CSGALNACT1: variants seen among roughly 807,000 people sequenced by gnomAD.
CSGALNACT1 encodes the protein chondroitin sulfate N-acetylgalactosaminyltransferase 1.
CSGALNACT1 carries 52 observed loss-of-function variants against 51.0 expected under a neutral mutation model. That is an observed-to-expected ratio of 1.02 (90% CI 0.82 to 1.29). The LOEUF is 1.29. Among genes scored for constraint, CSGALNACT1 ranks in the 50% most tolerant of loss-of-function variants. The probability of loss-of-function intolerance (pLI) is 0.00; values close to 1 mark genes in which losing one functional copy is unlikely to be tolerated. For missense variants in CSGALNACT1, 935 were observed against 679.2 expected, an observed-to-expected ratio of 1.38 and a Z score of -4.19; for synonymous variants, 341 against 254.4, an observed-to-expected ratio of 1.34 and a Z score of -3.24.
At chr8:19,642,681 G>A (rs983334052) in intron 1 of CSGALNACT1, among the ~76,000 whole-genome samples, 2 of 152,022 alleles carry the variant, frequency 1.3e-5, no homozygotes, top group African/African-American at 2.4e-5. Context: ...AGCTACTCGG[G>A]AGGCTGAGGT....
At chr8:19,559,944 G>A (rs1024632379) in intron 3 of CSGALNACT1, among the ~76,000 whole-genome samples, 2 of 152,166 alleles carry the variant, frequency 1.3e-5, no homozygotes, top group Non-Finnish European at 2.9e-5. Flanking sequence ...CTATAATTAA[G>A]ACTCTCTTGA....
chr8:19,572,044 C>T (rs2043159495), intron 3 of CSGALNACT1, among the ~76,000 whole-genome samples: 1 of 152,154 alleles, frequency 6.6e-6, no homozygotes, highest in African/African-American at 2.4e-5. Context: ...GGATAGAAAA[C>T]ATCAGCCACC....
chr8:19,633,120 G>C (rs2055529117), intron 1 of CSGALNACT1, among the ~76,000 whole-genome samples: 1 of 151,966 alleles, frequency 6.6e-6, no homozygotes, highest in East Asian at 1.9e-4. Context: ...AAGAATAAAT[G>C]ATGTAACTTT....
intron 1 of CSGALNACT1, among the ~76,000 whole-genome samples, chr8:19,648,324 T>C (rs996397087): frequency 6.6e-6 from 1 of 152,220 alleles, no homozygotes; most frequent in Non-Finnish European, 1.5e-5. Flanking sequence ...AGAGGCAAAC[T>C]GTCAAAAACA....
intron 3 of CSGALNACT1, among the ~76,000 whole-genome samples, chr8:19,581,499 C>T (rs951044456): frequency 3.3e-5 from 5 of 152,082 alleles, no homozygotes; most frequent in Non-Finnish European, 5.9e-5. Context: ...ACCTGTCACT[C>T]GGGAGGCTTA....
At chr8:19,511,383 T>C (rs1412057765) in intron 3 of CSGALNACT1, among the ~76,000 whole-genome samples, 1 of 152,184 alleles carries the variant, frequency 6.6e-6, no homozygotes, top group African/African-American at 2.4e-5. Flanking sequence ...GGGCACAAAC[T>C]AACCTTCAAT....
chr8:19,432,908 A>G (rs907398613), intron 6 of CSGALNACT1, among the ~76,000 whole-genome samples: 3 of 152,032 alleles, frequency 2.0e-5, no homozygotes, highest in African/African-American at 4.8e-5. Flanking sequence ...ATTTTTGTCT[A>G]TTAAGTCAAA....
At chr8:19,549,220 T>A (rs2087278418) in intron 3 of CSGALNACT1, among the ~76,000 whole-genome samples, 1 of 152,092 alleles carries the variant, frequency 6.6e-6, no homozygotes, top group African/African-American at 2.4e-5. Context: ...TCCTCTCCCC[T>A]CGAAAATCCA....
At chr8:19,707,688 CA>C (rs1226569595) in intron 1 of CSGALNACT1, among the ~76,000 whole-genome samples, 2 of 124,764 alleles carry the variant, frequency 1.6e-5, no homozygotes, top group African/African-American at 2.8e-5. Context: ...TTTTAATCCA[CA>C]AAAAAACCCC....
rs185093789 is a variant in CSGALNACT1, at chr8:19,735,472, C to T, written c.-297+22378G>A. Among the ~76,000 whole-genome samples, 310 of 152,036 alleles carry T rather than the reference C, an allele frequency of 2.0e-3. 1 individual carries two copies. In the Middle Eastern group the frequency reaches 0.027, roughly 13 times the overall value. On this transcript the variant is annotated intron_variant, in intron 1 of 1. Transcript: ENST00000517494. ...ATGACCATAAGCTCAAATCAAAATA[C>T]CACAAAATTCTCAGGAGGGAAAGCT...
chr8:19,423,959 G>GCA (rs926504749), intron 6 of CSGALNACT1, among the ~76,000 whole-genome samples: 67 of 152,160 alleles, frequency 4.4e-4, no homozygotes, highest in African/African-American at 1.6e-3. Context: ...GGGGGCCGGC[G>GCA]CACACACACA....
chr8:19,485,539 G>C (rs1262364170), intron 4 of CSGALNACT1, among the ~76,000 whole-genome samples: 3 of 151,996 alleles, frequency 2.0e-5, no homozygotes, highest in Admixed American at 6.6e-5. Flanking sequence ...CAGCTATTAG[G>C]CTTTCTTCCC....
At chr8:19,513,415 A>ACACT in intron 3 of CSGALNACT1, among the ~76,000 whole-genome samples, 1 of 111,524 alleles carries the variant, frequency 9.0e-6, no homozygotes, top group South Asian at 3.1e-4. Context: ...TCTCTCTCTC[A>ACACT]CTCTCTCTCT....
chr8:19,727,507 A>G (rs2063468388), intron 1 of CSGALNACT1, among the ~76,000 whole-genome samples: 1 of 128,092 alleles, frequency 7.8e-6, no homozygotes, highest in African/African-American at 2.9e-5. Flanking sequence ...GTGTCATCAC[A>G]GCTGGCTAAA....
chr8:19,525,824 A>C (rs1218573422), intron 3 of CSGALNACT1, among the ~76,000 whole-genome samples: 1 of 152,046 alleles, frequency 6.6e-6, no homozygotes, highest in Non-Finnish European at 1.5e-5. Context: ...GCACCTTGGC[A>C]GTGCCAGCTA....
rs564720122 is a variant in CSGALNACT1, at chr8:19,469,097, T to A, written c.635-10455A>T. ...AAGGTTAACTAAGATAAGGATGAAATTGGCCCACTGCCCTGAGTGCGGTGG... is the reference window on the plus strand; with the variant it reads ...AAGGTTAACTAAGATAAGGATGAAAATGGCCCACTGCCCTGAGTGCGGTGG... On this transcript the variant is annotated intron_variant, in intron 4 of 9. Coordinates refer to ENST00000454498, the Ensembl canonical transcript of CSGALNACT1. 5.9e-5 allele frequency among the ~76,000 whole-genome samples: 9 copies of A among 152,190 alleles called. No homozygotes were observed. In the South Asian group the frequency reaches 1.9e-3, roughly 32 times the overall value.
chr8:19,706,750 AG>A (rs549690176), intron 1 of CSGALNACT1, among the ~76,000 whole-genome samples: 5 of 152,126 alleles, frequency 3.3e-5, no homozygotes, highest in Non-Finnish European at 4.4e-5. Context: ...AAGCCTCCCT[AG>A]TAGCTGGCAC....
At chr8:19,551,129 T>C (rs1319935716) in intron 3 of CSGALNACT1, among the ~76,000 whole-genome samples, 1 of 151,708 alleles carries the variant, frequency 6.6e-6, no homozygotes, top group African/African-American at 2.4e-5. Context: ...TGCAGAACAA[T>C]GAAGAAAAAA....
chr8:19,434,587 C>T lies in CSGALNACT1; in HGVS notation c.953+5243G>A, dbSNP rs754340496. Among the ~76,000 whole-genome samples the T allele has an allele frequency of 2.5e-4, 38 of 152,152 alleles. 1 individual carries two copies. Among genetic ancestry groups the T allele is most frequent in the Middle Eastern group, 3.4e-3 (1 of 294 alleles). On this transcript the variant is annotated intron_variant, in intron 6 of 9. Transcript: ENST00000454498. ...TAATTTATATAGCATATTCAAATCC[C>T]CAGTAAACAATTCAGAATGCAGGCA...
Sources: gnomAD v4.1 joint callset for allele counts (sites outside exome capture counted in the v4.1 genomes callset) on GRCh38, gnomAD v4.1.1 for gene constraint, MANE v1.5 for transcripts, NCBI Gene and HGNC (gene_info 2026-07-23, HGNC 2026-07-21) for gene names.